The following DCLRE1C variants were observed in gnomAD, a reference collection of about 807,000 sequenced individuals.
DCLRE1C encodes the protein DNA cross-link repair 1C.
In DCLRE1C, 47 loss-of-function variants were observed where a neutral mutation model predicts 61.4. The observed-to-expected ratio is 0.77, with a 90% CI of 0.61 to 0.98. The LOEUF is 0.98. DCLRE1C is among the 50% of genes least tolerant of loss of function. DCLRE1C has a pLI of 0.00. For synonymous variants in DCLRE1C, 337 were observed against 287.6 expected, an observed-to-expected ratio of 1.17 and a Z score of -1.74; for missense variants, 858 against 816.0, an observed-to-expected ratio of 1.05 and a Z score of -0.63.
intron 2 of DCLRE1C, chr10:14,945,666 T>TC: frequency 1.1e-6 from 1 of 893,728 alleles, no homozygotes; most frequent in South Asian, 5.1e-5. Flanking sequence ...TTTTTTTTTT[T>TC]TTTTTTTTTT....
chr10:14,938,856 A>G (rs1840407650), intron 4 of DCLRE1C, among the ~76,000 whole-genome samples: 1 of 152,352 alleles, frequency 6.6e-6, no homozygotes, highest in Middle Eastern at 3.4e-3. Context: ...TCCCATCATT[A>G]GCATGTAATA....
intron 10 of DCLRE1C, 102 bp from the exon 11 acceptor site, chr10:14,926,999 C>A: frequency 1.1e-6 from 1 of 907,468 alleles, no homozygotes; most frequent in East Asian, 2.5e-5. Flanking sequence ...TGAAACCACT[C>A]TAATGGGCTC....
chr10:14,928,243 C>A, intron 9 of DCLRE1C, 91 bp from the exon 10 acceptor site: 1 of 1,152,474 alleles, frequency 8.7e-7, no homozygotes, highest in Non-Finnish European at 1.2e-6. Flanking sequence ...AGAAAAGTTT[C>A]CAGACACGAA....
intron 8 of DCLRE1C, 128 bp from the exon 9 acceptor site, chr10:14,933,083 T>G: frequency 1.8e-6 from 2 of 1,102,334 alleles, no homozygotes; most frequent in Non-Finnish European, 2.7e-6. Flanking sequence ...AAAAGTAGTT[T>G]TTGGCTATTC....
In DCLRE1C at chr10:14,907,177, T is replaced by G. The variant is rs1325832112; in HGVS notation, c.*1231A>C. On this transcript the variant is annotated 3_prime_UTR_variant, in exon 14 of 14. Transcript: ENST00000378278. ...CATTTAATTCTTGAGCATTTTCTTTTATATTCTAATTGTCCGCTTCTAATT... is the reference window on the plus strand; with the variant it reads ...CATTTAATTCTTGAGCATTTTCTTTGATATTCTAATTGTCCGCTTCTAATT... Among the ~76,000 whole-genome samples, 1 of 151,932 alleles carries G rather than the reference T, an allele frequency of 6.6e-6. No individual in the cohort carries two copies. Among genetic ancestry groups the G allele is most frequent in the African/African-American group, 2.4e-5 (1 of 41,322 alleles).
intron 11 of DCLRE1C, among the ~76,000 whole-genome samples, chr10:14,924,955 G>C (rs1837716029): frequency 6.6e-6 from 1 of 151,666 alleles, no homozygotes; most frequent in African/African-American, 2.4e-5. Flanking sequence ...GGACAGACTA[G>C]AACCCAATGT....
chr10:14,904,385 G>A (rs188840170), downstream of DCLRE1C: 2 of 71,234 alleles, frequency 2.8e-5, no homozygotes, highest in Non-Finnish European at 5.2e-5. Flanking sequence ...TGGCATTTGT[G>A]TTTTAAGAAA....
chr10:14,941,316 G>T (rs1375879816), intron 3 of DCLRE1C, among the ~76,000 whole-genome samples: 1 of 152,024 alleles, frequency 6.6e-6, no homozygotes, highest in East Asian at 1.9e-4. Context: ...ACAGGCTCTC[G>T]CTGTGTTAGC....
At chr10:14,933,535 T>A (rs1839373517) in intron 8 of DCLRE1C, among the ~76,000 whole-genome samples, 1 of 151,002 alleles carries the variant, frequency 6.6e-6, no homozygotes, top group Non-Finnish European at 1.5e-5. Flanking sequence ...TACTCGGGAG[T>A]CTGAGGCAAG....
At chr10:14,922,349 G>A (rs1011854037) in intron 12 of DCLRE1C, among the ~76,000 whole-genome samples, 1 of 151,958 alleles carries the variant, frequency 6.6e-6, no homozygotes, top group Non-Finnish European at 1.5e-5. Flanking sequence ...GCTGAGGCAG[G>A]AGAATCGTTT....
rs1405240721 is a variant in DCLRE1C, at chr10:14,928,011, C to T, written c.917+5G>A. On this transcript the variant is annotated splice_donor_5th_base_variant and intron_variant, in intron 10 of 13. Coordinates refer to ENST00000378278, the MANE Select transcript of DCLRE1C (RefSeq NM_001033855.3). ...CTCAGAAGACCTATGATATTGCTCT[C>T]TTACCTCACAATTACATTTGTTTTT... 5 of 1,613,678 alleles carry T rather than the reference C, an allele frequency of 3.1e-6. No individual in the cohort carries two copies. In the East Asian group the frequency reaches 6.7e-5, roughly 22 times the overall value.
chr10:14,901,829 A>G (rs191663421), downstream of DCLRE1C, among the ~76,000 whole-genome samples: 45 of 148,424 alleles, frequency 3.0e-4, no homozygotes, highest in East Asian at 8.6e-3. Context: ...ACCCTGTCTG[A>G]AAAAAAAAAC....
intron 13 of DCLRE1C, among the ~76,000 whole-genome samples, chr10:14,915,461 A>G (rs1836018763): frequency 6.6e-6 from 1 of 152,110 alleles, no homozygotes; most frequent in African/African-American, 2.4e-5. Context: ...AAGAGGATTA[A>G]TATCAGTAGA....
chr10:14,939,438 T>C (rs1339581927), intron 4 of DCLRE1C, among the ~76,000 whole-genome samples: 2,494 of 66,644 alleles, frequency 0.037, 72 homozygotes, highest in African/African-American at 0.19. Context: ...AGTGAGACTC[T>C]GTCTCAAAAA....
At chr10:14,947,727 A>G (rs1841904482) in intron 2 of DCLRE1C, 1 of 152,116 alleles carries the variant, frequency 6.6e-6, no homozygotes, top group South Asian at 2.1e-4. Context: ...TGCATTCTCC[A>G]CCTCCAGTAC....
At chr10:14,943,120 C>G (rs1376155669) in intron 3 of DCLRE1C, among the ~76,000 whole-genome samples, 1 of 151,628 alleles carries the variant, frequency 6.6e-6, no homozygotes, top group East Asian at 1.9e-4. Context: ...GTGAGACTAT[C>G]TCAAAAAAAG....
intron 13 of DCLRE1C, among the ~76,000 whole-genome samples, chr10:14,917,799 A>G (rs2130715196): frequency 6.6e-6 from 1 of 152,320 alleles, no homozygotes; most frequent in Non-Finnish European, 1.5e-5. Context: ...TCTGGGTGAC[A>G]GCAAGACTCT....
In DCLRE1C at chr10:14,905,971, G is replaced by C. The variant is rs902580014; in HGVS notation, c.*2437C>G. On this transcript the variant is annotated 3_prime_UTR_variant, in exon 14 of 14. Coordinates refer to ENST00000378278, the MANE Select transcript of DCLRE1C (RefSeq NM_001033855.3). ...CATTCCAGCCTGAGTGACAGAGCGAGACTCCATCTTGAAAAGTAAAAAACA... is the reference window on the plus strand; with the variant it reads ...CATTCCAGCCTGAGTGACAGAGCGACACTCCATCTTGAAAAGTAAAAAACA... 6.6e-6 allele frequency among the ~76,000 whole-genome samples: 1 copy of C among 152,198 alleles called. No individual in the cohort carries two copies. Among genetic ancestry groups the C allele is most frequent in the Admixed American group, 6.5e-5 (1 of 15,280 alleles).
chr10:14,918,506 G>A (rs998678005), intron 13 of DCLRE1C, among the ~76,000 whole-genome samples: 3 of 151,906 alleles, frequency 2.0e-5, no homozygotes, highest in African/African-American at 7.3e-5. Flanking sequence ...ACTTGAAGGT[G>A]ATAATTTCAG....
Sources: gnomAD v4.1 joint callset for allele counts (sites outside exome capture counted in the v4.1 genomes callset) on GRCh38, gnomAD v4.1.1 for gene constraint, MANE v1.5 for transcripts, NCBI Gene and HGNC (gene_info 2026-07-23, HGNC 2026-07-21) for gene names.